KMT2C: variants seen among roughly 807,000 people sequenced by gnomAD.
KMT2C encodes the protein histone-lysine N-methyltransferase 2C.
KMT2C carries 88 observed loss-of-function variants against 507.9 expected under a neutral mutation model. The observed-to-expected ratio is 0.17, with a 90% CI of 0.15 to 0.21. The LOEUF is 0.21. KMT2C is among the 10% of genes least tolerant of loss of function. The pLI is 1.00. For missense variants in KMT2C, 4,954 were observed against 5,957.8 expected, an observed-to-expected ratio of 0.83 and a Z score of 5.55; for synonymous variants, 2,049 against 2,080.8, an observed-to-expected ratio of 0.98 and a Z score of 0.42.
chr7:152,397,724 A>G (rs2097545740), intron 1 of KMT2C, among the ~76,000 whole-genome samples: 1 of 152,134 alleles, frequency 6.6e-6, no homozygotes, highest in Non-Finnish European at 1.5e-5. Flanking sequence ...TGGTTTCCCC[A>G]TACTGTTCTC....
intron 18 of KMT2C, among the ~76,000 whole-genome samples, 172 bp downstream of exon 18, chr7:152,229,751 A>G (rs1222287260): frequency 6.6e-6 from 1 of 152,144 alleles, no homozygotes; most frequent in Non-Finnish European, 1.5e-5. Context: ...TTTATAGAGG[A>G]GCAAATTTCT....
rs1026657176 is a variant in KMT2C, at chr7:152,159,192, A to C, written c.11461-120T>G. On this transcript the variant is annotated intron_variant, in intron 43 of 58. Transcript: ENST00000262189. Reference sequence around the variant, plus strand: ...TGGCACTAAAAGGTATTAAATAAGTAGGGAAGATAGAGTGGTGTCAATGCT... The same window carrying C: ...TGGCACTAAAAGGTATTAAATAAGTCGGGAAGATAGAGTGGTGTCAATGCT... 3.8e-6 allele frequency: 3 copies of C among 789,358 alleles called. No homozygotes were observed. The African/African-American group carries it at 5.2e-5, about 14-fold the overall frequency. The allele number at this position is 789,358 out of a possible 1,614,324, so 48.9% of individuals were successfully genotyped here.
chr7:152,228,747 T>C (rs1392155220), intron 18 of KMT2C, among the ~76,000 whole-genome samples: 2 of 152,176 alleles, frequency 1.3e-5, no homozygotes, highest in East Asian at 3.8e-4. Context: ...AATCTAATGA[T>C]AGCAGCAACT....
At position 152,266,796 on chromosome 7, in the gene KMT2C, G is replaced by A. The variant is rs185516296; in HGVS notation, c.1013-1587C>T. Among the ~76,000 whole-genome samples the A allele has an allele frequency of 1.8e-4, 28 of 152,308 alleles. No homozygotes were observed. The East Asian group carries it at 3.5e-3, about 19-fold the overall frequency. ...TTTAAAAATGTAAAAATAATTCCTCGCTTGAGGGCAGTACAAAAACAGGCT... is the reference window on the plus strand; with the variant it reads ...TTTAAAAATGTAAAAATAATTCCTCACTTGAGGGCAGTACAAAAACAGGCT... On this transcript the variant is annotated intron_variant, in intron 7 of 58. Coordinates refer to ENST00000262189, the MANE Select transcript of KMT2C (RefSeq NM_170606.3).
chr7:152,377,595 C>G (rs781613307), intron 1 of KMT2C, among the ~76,000 whole-genome samples: 12 of 151,904 alleles, frequency 7.9e-5, no homozygotes, highest in South Asian at 4.2e-4. Flanking sequence ...ATAAGCCGGG[C>G]GTGGTGGCAC....
chr7:152,284,017 C>T (rs1444250286), intron 6 of KMT2C, among the ~76,000 whole-genome samples: 1 of 152,062 alleles, frequency 6.6e-6, no homozygotes, highest in Non-Finnish European at 1.5e-5. Context: ...CTATTTAATA[C>T]TAGTACACTT....
chr7:152,418,877 G>A (rs1231594764), intron 1 of KMT2C, among the ~76,000 whole-genome samples: 1 of 151,528 alleles, frequency 6.6e-6, no homozygotes, highest in East Asian at 1.9e-4. Flanking sequence ...AAAAAAAACT[G>A]TGTATATGAA....
At chr7:152,416,070 G>C (rs1450659608) in intron 1 of KMT2C, among the ~76,000 whole-genome samples, 1 of 151,968 alleles carries the variant, frequency 6.6e-6, no homozygotes, top group African/African-American at 2.4e-5. Context: ...TTTTTAGGGA[G>C]TGGCATTTCA....
At chr7:152,140,487 T>C (rs1345275804) in intron 55 of KMT2C, among the ~76,000 whole-genome samples, 1 of 152,192 alleles carries the variant, frequency 6.6e-6, no homozygotes, top group Non-Finnish European at 1.5e-5. Flanking sequence ...TAGCACAACT[T>C]GTAGAGAAAC....
chr7:152,187,461 G>C lies in KMT2C; in HGVS notation c.4809C>G (p.Ala1603=), dbSNP rs2093660033. 2.5e-6 allele frequency: 4 copies of C among 1,613,030 alleles called. No individual in the cohort carries two copies. Among genetic ancestry groups the C allele is most frequent in the African/African-American group, 1.3e-5 (1 of 74,858 alleles). The change falls in exon 33 of 59, where the codon GCC becomes GCG. Residue 1603 remains alanine, a synonymous_variant. Transcript: ENST00000262189. ...TAGGATCACTTGCCATTGGATTAAAGGCTGAATTTTTATCCCTGGGAAAAA... is the reference window on the plus strand; with the variant it reads ...TAGGATCACTTGCCATTGGATTAAACGCTGAATTTTTATCCCTGGGAAAAA... ...SYPDARDKNS[A]FNPMASDPNN...
intron 6 of KMT2C, among the ~76,000 whole-genome samples, chr7:152,281,339 G>A (rs1485860756): frequency 6.6e-6 from 1 of 152,026 alleles, no homozygotes; most frequent in Non-Finnish European, 1.5e-5. Context: ...ATAATTTAAG[G>A]AAGACATAAG....
intron 13 of KMT2C, 47 bp downstream of exon 13, chr7:152,249,829 T>C (rs111995194): frequency 6.8e-6 from 8 of 1,184,654 alleles, no homozygotes; most frequent in Non-Finnish European, 1.0e-5. Context: ...GATAAAGACA[T>C]TATCTTGTAA....
rs386411673 is a variant in KMT2C, at chr7:152,389,352, C to CAAAAA, written c.162-30682_162-30678dup. On this transcript the variant is annotated intron_variant, in intron 1 of 58. Coordinates refer to ENST00000262189, the MANE Select transcript of KMT2C (RefSeq NM_170606.3). ...CTGGTGACAGAGTGAGACTCCGTCTCAAAAAAAAAAAAAAAAAAAATACTG... is the reference window on the plus strand; with the variant it reads ...CTGGTGACAGAGTGAGACTCCGTCTCAAAAAAAAAAAAAAAAAAAAAAAAATACTG... 3.7e-3 allele frequency among the ~76,000 whole-genome samples: 288 copies of CAAAAA among 77,628 alleles called. 10 individuals are homozygous for CAAAAA. The highest frequency in any genetic ancestry group is 9.6e-3 in the African/African-American group (231 of 24,098). The allele number at this position is 77,628 out of a possible 152,430, so 50.9% of individuals were successfully genotyped here.
Position 152,263,103 on chromosome 7 carries a change from T to G in KMT2C, c.1212A>C (p.Leu404=). The G allele has an allele frequency of 1.2e-6, 2 of 1,611,978 alleles. No individual in the cohort carries two copies. The highest frequency in any genetic ancestry group is 1.7e-6 in the Non-Finnish European group (2 of 1,179,762). Residue 404 remains leucine (L), a synonymous_variant, in exon 9 of 59, where the codon CTA becomes CTC. Transcript: ENST00000262189. Reference sequence around the variant, plus strand: ...ACCCTTTGTCACACGTATCACACACTAGCATCTTGCTATCTTCTCCCGATT... The same window carrying G: ...ACCCTTTGTCACACGTATCACACACGAGCATCTTGCTATCTTCTCCCGATT... ...CKQSGEDSKM[L]VCDTCDKGYH...
chr7:152,305,822 T>C (rs1013732174), intron 6 of KMT2C, among the ~76,000 whole-genome samples: 1 of 152,162 alleles, frequency 6.6e-6, no homozygotes, highest in Non-Finnish European at 1.5e-5. Flanking sequence ...TAGGCTTACC[T>C]TGTATTTTCT....
Position 152,152,831 on chromosome 7 carries a change from G to C in KMT2C, c.12400C>G (p.Pro4134Ala), listed in dbSNP as rs2129097597. Reference sequence around the variant, plus strand: ...AAATGCTGTCGATACTCCAAACCCGGGTTGATTCTGTGGCTACTGACCAAA... The same window carrying C: ...AAATGCTGTCGATACTCCAAACCCGCGTTGATTCTGTGGCTACTGACCAAA... Reference protein sequence around the residue: ...MGLVSSHRINPGLEYRQHLLL... With the variant: ...MGLVSSHRINAGLEYRQHLLL... The change falls in exon 49 of 59, where the codon CCG (proline) becomes GCG (alanine). Residue 4134 changes from proline (P) to alanine (A), a missense_variant. Transcript: ENST00000262189. The C allele has an allele frequency of 2.5e-6, 4 of 1,614,170 alleles. No individual in the cohort carries two copies. The highest frequency in any genetic ancestry group is 3.4e-6 in the Non-Finnish European group (4 of 1,180,028).
At chr7:152,232,871 G>A (rs147086460) in intron 16 of KMT2C, among the ~76,000 whole-genome samples, 2,804 of 152,150 alleles carry the variant, frequency 0.018, 86 homozygotes, top group African/African-American at 0.064. Flanking sequence ...TATGGAAATG[G>A]CTAAAATAGA....
chr7:152,191,400 T>C lies in KMT2C; in HGVS notation c.4660+2609A>G, dbSNP rs182130324. Among the ~76,000 whole-genome samples, 775 of 152,348 alleles carry C rather than the reference T, an allele frequency of 5.1e-3. 5 individuals carry two copies. Among genetic ancestry groups the C allele is most frequent in the Middle Eastern group, 0.027 (8 of 294 alleles). The stretch of plus-strand genomic sequence containing the variant: ...TCTAATTCACTTTAATTTCCCCCTT[T>C]CCTCACACCTTATATCCATTCAGTA... On this transcript the variant is annotated intron_variant, in intron 31 of 58. Transcript: ENST00000262189.
chr7:152,417,022 C>G (rs2097745018), intron 1 of KMT2C, among the ~76,000 whole-genome samples: 1 of 133,990 alleles, frequency 7.5e-6, no homozygotes, highest in Non-Finnish European at 1.5e-5. Flanking sequence ...GCACTCTAGC[C>G]TGGGTGACAC....
Sources: allele counts gnomAD v4.1 joint callset (sites outside exome capture counted in the v4.1 genomes callset), GRCh38; gene constraint gnomAD v4.1.1; transcripts MANE v1.5; gene names NCBI Gene and HGNC (gene_info 2026-07-23, HGNC 2026-07-21).